GTF2F2: variants seen among roughly 807,000 people sequenced by gnomAD.
GTF2F2 encodes ATP-dependent helicase GTF2F2.
A neutral mutation model predicts 42.2 loss-of-function variants in GTF2F2; 23 were observed. The ratio of observed to expected loss-of-function variants is 0.55; its 90% CI spans 0.39 to 0.77. The LOEUF (loss-of-function observed/expected upper bound fraction) is 0.77, where lower values mean the gene tolerates loss of function less well. Among genes scored for constraint, GTF2F2 ranks in the 30% least tolerant of loss-of-function variants. The pLI is 0.00. For synonymous variants in GTF2F2, 105 were observed against 100.8 expected (o/e 1.04, Z -0.25); for missense variants, 261 against 287.2 (o/e 0.91, Z 0.66).
chr13:45,206,197 G>A (rs1873404919), intron 4 of GTF2F2, among the ~76,000 whole-genome samples: 1 of 152,040 alleles, frequency 6.6e-6, no homozygotes, highest in African/African-American at 2.4e-5. Context: ...AAGGGACCCT[G>A]GATACATTGA....
intron 1 of GTF2F2, among the ~76,000 whole-genome samples, chr13:45,133,127 A>T (rs9534038): frequency 0.18 from 27,961 of 152,108 alleles, 2,835 homozygotes; most frequent in Non-Finnish European, 0.22. Context: ...TTGCCACGCT[A>T]GTATGACAGA....
chr13:45,204,726 G>C (rs1192773926), intron 4 of GTF2F2, among the ~76,000 whole-genome samples: 1 of 152,128 alleles, frequency 6.6e-6, no homozygotes, highest in Non-Finnish European at 1.5e-5. Context: ...TATTTAAGAA[G>C]AGAAGGGGAG....
chr13:45,274,323 CTTTTTTTTT>C (rs367793010), intron 7 of GTF2F2, among the ~76,000 whole-genome samples: 1 of 102,430 alleles, frequency 9.8e-6, no homozygotes, highest in Non-Finnish European at 1.9e-5. Context: ...ACAAATTATA[CTTTTTTTTT>C]TTTTTTTTTT....
intron 2 of GTF2F2, among the ~76,000 whole-genome samples, chr13:45,139,851 T>G (rs1433846796): frequency 7.2e-5 from 11 of 152,204 alleles, no homozygotes; most frequent in Admixed American, 7.2e-4. Flanking sequence ...TGTCCCTCAG[T>G]ACCTGCAGGA....
chr13:45,235,488 T>C (rs933612094), intron 5 of GTF2F2, among the ~76,000 whole-genome samples: 19 of 151,986 alleles, frequency 1.3e-4, no homozygotes, highest in East Asian at 1.2e-3. Context: ...TTTTTTTTTT[T>C]CTAATGTTTG....
At chr13:45,216,400 T>A (rs979303942) in intron 5 of GTF2F2, among the ~76,000 whole-genome samples, 1 of 152,164 alleles carries the variant, frequency 6.6e-6, no homozygotes, top group East Asian at 1.9e-4. Context: ...GAATTCCCCA[T>A]CTCTTCTGCC....
intron 1 of GTF2F2, among the ~76,000 whole-genome samples, chr13:45,128,065 A>G (rs1869136694): frequency 7.2e-6 from 1 of 138,002 alleles, no homozygotes; most frequent in Non-Finnish European, 1.5e-5. Flanking sequence ...GATTCACGCC[A>G]TTCTTCTGCC....
At chr13:45,213,279 C>T (rs1416617002) in intron 5 of GTF2F2, among the ~76,000 whole-genome samples, 1 of 152,046 alleles carries the variant, frequency 6.6e-6, no homozygotes, top group Non-Finnish European at 1.5e-5. Flanking sequence ...TGGGGTTTCA[C>T]TGTGTTAGCC....
At chr13:45,209,404 C>G (rs757739805) in intron 5 of GTF2F2, among the ~76,000 whole-genome samples, 1 of 152,130 alleles carries the variant, frequency 6.6e-6, no homozygotes, top group Non-Finnish European at 1.5e-5. Flanking sequence ...TGAGGTATCC[C>G]CATTGTTAAG....
At chr13:45,191,613 A>T (rs1872661646) in intron 4 of GTF2F2, among the ~76,000 whole-genome samples, 1 of 152,100 alleles carries the variant, frequency 6.6e-6, no homozygotes, top group South Asian at 2.1e-4. Flanking sequence ...AGAGCACAAT[A>T]TTTAGGCATT....
intron 4 of GTF2F2, among the ~76,000 whole-genome samples, chr13:45,191,224 A>AAAAAAAATATATATATAT: frequency 1.0e-3 from 78 of 75,278 alleles, no homozygotes; most frequent in African/African-American, 1.3e-3. Context: ...ACAAAAAAAA[A>AAAAAAAATATATATATAT]ATATATATAT....
At chr13:45,177,709 A>C (rs1871952137) in intron 4 of GTF2F2, among the ~76,000 whole-genome samples, 1 of 152,236 alleles carries the variant, frequency 6.6e-6, no homozygotes, top group African/African-American at 2.4e-5. Flanking sequence ...TCTAAATGAA[A>C]AAGTAAGAGT....
chr13:45,134,584 T>TA (rs1869520683), intron 1 of GTF2F2, among the ~76,000 whole-genome samples: 1 of 152,180 alleles, frequency 6.6e-6, no homozygotes, highest in African/African-American at 2.4e-5. Context: ...ACCGAATGGG[T>TA]AGGTACAGTC....
At chr13:45,194,409 CTTGGTCA>C (rs1566130724) in intron 4 of GTF2F2, 1 of 1,614,146 alleles carries the variant, frequency 6.2e-7, no homozygotes, top group South Asian at 1.1e-5. Context: ...TGTCTGGGTA[CTTGGTCA>C]GTGTTTGTTT....
intron 5 of GTF2F2, among the ~76,000 whole-genome samples, chr13:45,252,281 T>C (rs59341350): frequency 0.27 from 41,538 of 151,814 alleles, 6,573 homozygotes; most frequent in African/African-American, 0.42. Flanking sequence ...TAACTAGGAC[T>C]ACAGGCACTG....
At chr13:45,194,898 A>G (rs971148855) in intron 4 of GTF2F2, among the ~76,000 whole-genome samples, 2 of 152,348 alleles carry the variant, frequency 1.3e-5, no homozygotes, top group South Asian at 2.1e-4. Flanking sequence ...AGCAGATCCA[A>G]ATGTTTAATT....
At chr13:45,189,348 T>A (rs1038681862) in intron 4 of GTF2F2, among the ~76,000 whole-genome samples, 3 of 152,208 alleles carry the variant, frequency 2.0e-5, no homozygotes, top group Non-Finnish European at 4.4e-5. Flanking sequence ...TTGTGAATAG[T>A]GCCGCAATAA....
At chr13:45,197,779 A>G (rs1872974329) in intron 4 of GTF2F2, among the ~76,000 whole-genome samples, 1 of 152,174 alleles carries the variant, frequency 6.6e-6, no homozygotes, top group African/African-American at 2.4e-5. Context: ...TAAAACTATA[A>G]AAATGGTGCT....
rs1555267758 is a variant in GTF2F2 at position 45,191,222 on chromosome 13, A to ATAT, written c.305-16202_305-16201insTAT. ...CCGTCTCTACTAAAAATACAAAAAAAAAATATATATATATATATATATATA... is the reference window on the plus strand; with the variant it reads ...CCGTCTCTACTAAAAATACAAAAAAATATAAATATATATATATATATATATATA... On this transcript the variant is annotated intron_variant, in intron 4 of 7. Transcript: ENST00000340473. Among the ~76,000 whole-genome samples the ATAT allele has an allele frequency of 5.6e-3, 392 of 69,886 alleles. 6 individuals carry two copies. Among genetic ancestry groups the ATAT allele is most frequent in the East Asian group, 0.027 (95 of 3,472 alleles). The allele number at this position is 69,886 out of a possible 152,430, so 45.8% of individuals were successfully genotyped here.
Sources: allele counts gnomAD v4.1 joint callset (sites outside exome capture counted in the v4.1 genomes callset), GRCh38; gene constraint gnomAD v4.1.1; transcripts MANE v1.5; gene names NCBI Gene and HGNC (gene_info 2026-07-23, HGNC 2026-07-21).